The following NOP16 variants were observed in gnomAD, a reference collection of about 807,000 sequenced individuals.
NOP16 encodes the protein NOP16 nucleolar protein, also known as nucleolar protein 16.
NOP16 carries 14 observed loss-of-function variants against 22.7 expected under a neutral mutation model. The ratio of observed to expected loss-of-function variants is 0.62; its 90% CI spans 0.41 to 0.97. The LOEUF is 0.97. Among genes scored for constraint, NOP16 ranks in the 50% least tolerant of loss-of-function variants. The pLI is 0.00. For synonymous variants in NOP16, 80 were observed against 83.6 expected (o/e 0.96, Z 0.23); for missense variants, 198 against 235.9 (o/e 0.84, Z 1.05).
At chr5:176,387,808 G>A (rs754990872) in intron 2 of NOP16, among the ~76,000 whole-genome samples, 9 of 152,160 alleles carry the variant, frequency 5.9e-5, no homozygotes, top group Non-Finnish European at 1.3e-4. Context: ...ACGCTGAGGT[G>A]GGATATAGCT....
In NOP16 at chr5:176,384,387, G is replaced by C; in HGVS notation, c.394-13C>G. On this transcript the variant is annotated splice_polypyrimidine_tract_variant and intron_variant, in intron 4 of 4. Transcript: ENST00000614830. The stretch of plus-strand genomic sequence containing the variant: ...CACGGGCCATGGCCTAAGAGGAGAA[G>C]GGCTACTTTAAGGAGGGCTAGACAG... 1 of 1,606,668 alleles carries C rather than the reference G, an allele frequency of 6.2e-7. No homozygotes were observed. The highest frequency in any genetic ancestry group is 8.5e-7 in the Non-Finnish European group (1 of 1,175,818).
In NOP16 at chr5:176,384,269, G is replaced by A. The variant is rs781413892; in HGVS notation, c.499C>T (p.Leu167Phe). The change falls in exon 5 of 5, where the codon CTC becomes TTC. Residue 167 changes from leucine to phenylalanine, a missense_variant. Physicochemically the swap from Leu to Phe is conservative, Grantham distance 22. Transcript: ENST00000614830. ...RFYPAEWQDF[L>F]DSLQKRKMEV... is the part of the protein sequence containing the mutation. ...ATCTTCCTCTTCTGCAAAGAATCGA[G>A]GAAGTCTTGCCACTCTGCTGGGTAA... 21 of 1,614,108 alleles carry A rather than the reference G, an allele frequency of 1.3e-5. No homozygotes were observed. Among genetic ancestry groups the A allele is most frequent in the Non-Finnish European group, 1.8e-5 (21 of 1,180,048 alleles).
rs755621412 is a variant in NOP16, at chr5:176,384,379, G to C, written c.394-5C>G. 1 of 1,609,392 alleles carries C rather than the reference G, an allele frequency of 6.2e-7. No homozygotes were observed. Among genetic ancestry groups the C allele is most frequent in the South Asian group, 1.1e-5 (1 of 90,464 alleles). On this transcript the variant is annotated splice_region_variant and splice_polypyrimidine_tract_variant and intron_variant, in intron 4 of 4. Transcript: ENST00000614830. Reference sequence around the variant, plus strand: ...CTTCTCATCACGGGCCATGGCCTAAGAGGAGAAGGGCTACTTTAAGGAGGG... The same window carrying C: ...CTTCTCATCACGGGCCATGGCCTAACAGGAGAAGGGCTACTTTAAGGAGGG...
At chr5:176,387,072 CTCTCTCTT>C (rs1714826739) in intron 2 of NOP16, 163 bp from the exon 3 acceptor site, 3 of 591,368 alleles carry the variant, frequency 5.1e-6, no homozygotes, top group South Asian at 2.1e-5. Flanking sequence ...TTTTCTCTCT[CTCTCTCTT>C]TTTTTTTTTC....
intron 2 of NOP16, 121 bp downstream of exon 2, chr5:176,388,114 G>A (rs1756032076): frequency 2.9e-6 from 2 of 698,476 alleles, no homozygotes; most frequent in Middle Eastern, 2.5e-4. Context: ...TGACTGTGGG[G>A]AGGTCGAAAA....
rs574649295 is a variant in NOP16 at position 176,385,667 on chromosome 5, T to C, written c.287-340A>G. Among the ~76,000 whole-genome samples, 9 of 152,322 alleles carry C rather than the reference T, an allele frequency of 5.9e-5. No homozygotes were observed. The South Asian group carries it at 6.2e-4, about 11-fold the overall frequency. ...CAGGACAGAGATGAAGGCACATACC[T>C]GCCCACAGGACAGGGCTCCCTTCCA... On this transcript the variant is annotated intron_variant, in intron 3 of 4. Coordinates refer to ENST00000614830, the MANE Select transcript of NOP16 (RefSeq NM_016391.8).
chr5:176,385,975 CAT>C (rs1755815899), intron 3 of NOP16: 1 of 152,620 alleles, frequency 6.6e-6, no homozygotes, highest in Non-Finnish European at 1.5e-5. Flanking sequence ...GTTAGGTCCT[CAT>C]ATTGTATATA....
At position 176,388,493 on chromosome 5, in the gene NOP16, C is replaced by G. The variant is rs1756077296; in HGVS notation, c.47G>C (p.Ser16Thr). The change falls in exon 1 of 5, where the codon AGT becomes ACT. Residue 16 changes from serine to threonine, a missense_variant. Coordinates refer to ENST00000614830, the MANE Select transcript of NOP16 (RefSeq NM_016391.8). ...GKTRRQKFGYSVNRKRLNRNA... is the reference protein window; with the variant it reads ...GKTRRQKFGYTVNRKRLNRNA... ...CCGGTTCAGACGCTTTCGGTTGACA[C>G]TGTAACCAAACTTCTGCCTCCGGGT... is the stretch of plus-strand genomic sequence containing the variant. 1 of 1,614,020 alleles carries G rather than the reference C, an allele frequency of 6.2e-7. No homozygotes were observed. The highest frequency in any genetic ancestry group is 1.1e-5 in the South Asian group (1 of 91,086).
In NOP16 at chr5:176,385,350, G is replaced by A. The variant is rs751514517; in HGVS notation, c.287-23C>T. On this transcript the variant is annotated intron_variant, in intron 3 of 4. Coordinates refer to ENST00000614830, the MANE Select transcript of NOP16 (RefSeq NM_016391.8). ...GGTCTGGAGTGATGAGAGAAGCGGGGAGACAGGGAATGAGGCTTTGCTTTC... is the reference window on the plus strand; with the variant it reads ...GGTCTGGAGTGATGAGAGAAGCGGGAAGACAGGGAATGAGGCTTTGCTTTC... 4.4e-6 allele frequency: 6 copies of A among 1,374,832 alleles called. 1 individual carries two copies. The highest frequency in any genetic ancestry group is 4.6e-5 in the East Asian group (2 of 43,808). 85.2% of individuals were successfully genotyped at this position (1,374,832 alleles called of 1,614,324 possible). A position where few individuals can be genotyped will look rare whatever the true frequency, so the allele number is the denominator to read the frequency against.
rs1755882423 is a variant in NOP16, at chr5:176,386,855, G to T, written c.271C>A (p.Pro91Thr). The T allele has an allele frequency of 6.2e-7, 1 of 1,613,866 alleles. No homozygotes were observed. The highest frequency in any genetic ancestry group is 1.3e-5 in the African/African-American group (1 of 74,872). ...CCACACCCACCATTCAGCACATAGG[G>T]CTTCCGTACAAGCTCTTTAGGCCTC... ...EERPKELVRK[P>T]YVLNDLEAEA... The change falls in exon 3 of 5, where the codon CCC (proline) becomes ACC (threonine). Residue 91 changes from proline to threonine, a missense_variant. Transcript: ENST00000614830.
At position 176,386,701 on chromosome 5, in the gene NOP16, C is replaced by G. The variant is rs561521177; in HGVS notation, c.286+139G>C. ...TGAGCCAGCCAGGACACAGTCCTAA[C>G]TCTGTGAACTTTGAACCAGCTCACT... On this transcript the variant is annotated intron_variant, in intron 3 of 4. Transcript: ENST00000614830. 5.1e-6 allele frequency: 4 copies of G among 783,694 alleles called. No individual in the cohort carries two copies. The East Asian group carries it at 9.9e-5, about 19-fold the overall frequency. The allele number at this position is 783,694 out of a possible 1,614,324, so 48.5% of individuals were successfully genotyped here. A position where few individuals can be genotyped will look rare whatever the true frequency, so the allele number is the denominator to read the frequency against.
At chr5:176,386,623 C>G in intron 3 of NOP16, 2 of 653,736 alleles carry the variant, frequency 3.1e-6, no homozygotes, top group South Asian at 3.1e-5. Context: ...CCCTAAACAT[C>G]TCTGACCTTA....
intron 3 of NOP16, chr5:176,386,434 C>T (rs1264360726): frequency 3.3e-6 from 1 of 301,742 alleles, no homozygotes; most frequent in Non-Finnish European, 6.6e-6. Context: ...TACTCTCCTC[C>T]GTTTTAGCGT....
Position 176,387,701 on chromosome 5 carries a change from G to A in NOP16, c.216+534C>T, listed in dbSNP as rs3792914. On this transcript the variant is annotated intron_variant, in intron 2 of 4. Transcript: ENST00000614830. ...CCAGGGGGCCAGGCGGATCACTTGAGGCCCAGCCTGGCCAACATAGCGAAA... is the reference window on the plus strand; with the variant it reads ...CCAGGGGGCCAGGCGGATCACTTGAAGCCCAGCCTGGCCAACATAGCGAAA... 1.6e-3 allele frequency among the ~76,000 whole-genome samples: 242 copies of A among 152,288 alleles called. 5 individuals are homozygous for A. The East Asian group carries it at 0.038, about 24-fold the overall frequency.
rs762389421 is a variant in NOP16, at chr5:176,386,750, T to C, written c.286+90A>G. ...CTTCTCCCCTCTGAAACTTGGTTTC[T>C]CCATCTGCAAAATGAGGACATCTTA... On this transcript the variant is annotated intron_variant, in intron 3 of 4. Coordinates refer to ENST00000614830, the MANE Select transcript of NOP16 (RefSeq NM_016391.8). 5 of 1,143,650 alleles carry C rather than the reference T, an allele frequency of 4.4e-6. No homozygotes were observed. In the African/African-American group the frequency reaches 6.1e-5, roughly 14 times the overall value. The allele number at this position is 1,143,650 out of a possible 1,614,324, so 70.8% of individuals were successfully genotyped here. A position where few individuals can be genotyped will look rare whatever the true frequency, so the allele number is the denominator to read the frequency against.
chr5:176,388,504 C>A lies in NOP16; in HGVS notation c.36G>T (p.Lys12Asn), dbSNP rs1026225217. Residue 12 changes from lysine to asparagine, a missense_variant, in exon 1 of 5, where the codon AAG becomes AAT. By Grantham distance (94) the Lys-to-Asn change is moderately conservative. Coordinates refer to ENST00000614830, the MANE Select transcript of NOP16 (RefSeq NM_016391.8). Reference sequence around the variant, plus strand: ...GCTTTCGGTTGACACTGTAACCAAACTTCTGCCTCCGGGTTTTGCCCTTGG... The same window carrying A: ...GCTTTCGGTTGACACTGTAACCAAAATTCTGCCTCCGGGTTTTGCCCTTGG... ...PKAKGKTRRQ[K>N]FGYSVNRKRL... The A allele has an allele frequency of 6.2e-7, 1 of 1,613,842 alleles. No homozygotes were observed. Among genetic ancestry groups the A allele is most frequent in the African/African-American group, 1.3e-5 (1 of 74,926 alleles).
At position 176,385,296 on chromosome 5, in the gene NOP16, C is replaced by G. The variant is rs1013152581; in HGVS notation, c.318G>C (p.Lys106Asn). 10 of 1,612,798 alleles carry G rather than the reference C, an allele frequency of 6.2e-6. No homozygotes were observed. In the Admixed American group the frequency reaches 8.3e-5, roughly 13 times the overall value. The change falls in exon 4 of 5, where the codon AAG (lysine) becomes AAC (asparagine). Residue 106 changes from lysine to asparagine, a missense_variant. By Grantham distance (94) the Lys-to-Asn change is moderately conservative. Transcript: ENST00000614830. ...DLEAEASLPE[K>N]KGNTLSRDLI... ...GGTCCCGAGACAGAGTATTTCCTTT[C>G]TTTTCTGGAAGGCTGGCTTCTGCCT...
intron 2 of NOP16, among the ~76,000 whole-genome samples, chr5:176,387,137 G>T (rs2113593696): frequency 6.6e-6 from 1 of 151,032 alleles, no homozygotes; most frequent in South Asian, 2.1e-4. Context: ...AGGTTCAAAT[G>T]CAGTGGCACA....
intron 4 of NOP16, 167 bp from the exon 5 acceptor site, chr5:176,384,541 C>T: frequency 4.5e-6 from 3 of 664,808 alleles, no homozygotes; most frequent in East Asian, 2.8e-5. Context: ...AATCCCAACA[C>T]TCTGGGAGGC....
Sources: allele counts gnomAD v4.1 joint callset (sites outside exome capture counted in the v4.1 genomes callset), GRCh38; gene constraint gnomAD v4.1.1; transcripts MANE v1.5; gene names NCBI Gene and HGNC (gene_info 2026-07-23, HGNC 2026-07-21).